CELF6: variants seen among roughly 807,000 people sequenced by gnomAD.
CELF6 encodes the protein Bruno -like 6, RNA binding protein.
In CELF6, 32 loss-of-function variants were observed where a neutral mutation model predicts 53.1. That is an observed-to-expected ratio of 0.60 (90% CI 0.46 to 0.81). CELF6 has a LOEUF of 0.81. Among genes scored for constraint, CELF6 ranks in the 30% least tolerant of loss-of-function variants. CELF6 has a pLI of 0.00. For synonymous variants in CELF6, 291 were observed against 288.8 expected (o/e 1.01, Z -0.08); for missense variants, 539 against 669.5 (o/e 0.81, Z 2.15).
At chr15:72,293,332 C>T (rs555109596) in intron 3 of CELF6, among the ~76,000 whole-genome samples, 3 of 152,110 alleles carry the variant, frequency 2.0e-5, no homozygotes, top group African/African-American at 4.8e-5. Flanking sequence ...ACAGTAGCCC[C>T]GCAAACCCAC....
intron 2 of CELF6, among the ~76,000 whole-genome samples, chr15:72,314,273 T>C: frequency 6.6e-6 from 1 of 152,302 alleles, no homozygotes; most frequent in East Asian, 1.9e-4. Flanking sequence ...AATCAGTGCC[T>C]ATTTCTTATT....
intron 1 of CELF6, 87 bp from the exon 2 acceptor site, chr15:72,316,014 G>T: frequency 7.0e-6 from 6 of 862,546 alleles, no homozygotes; most frequent in South Asian, 3.1e-5. Flanking sequence ...ACAAACTTAA[G>T]GCCACTCTCC....
At chr15:72,316,746 C>G (rs1282549538) in intron 1 of CELF6, among the ~76,000 whole-genome samples, 1 of 152,208 alleles carries the variant, frequency 6.6e-6, no homozygotes, top group East Asian at 1.9e-4. Context: ...GCACTCTCCT[C>G]CTTTCCAACA....
intron 2 of CELF6, among the ~76,000 whole-genome samples, chr15:72,314,776 G>A (rs2088341676): frequency 6.6e-6 from 1 of 151,882 alleles, no homozygotes. Flanking sequence ...TGTATTTTTA[G>A]TAGAGACAGG....
intron 3 of CELF6, 104 bp from the exon 4 acceptor site, chr15:72,290,359 A>G: frequency 7.3e-7 from 1 of 1,375,270 alleles, no homozygotes; most frequent in Non-Finnish European, 9.7e-7. Context: ...CACTCTGGGA[A>G]GCAGAGGGAG....
chr15:72,288,360 A>T lies in CELF6; in HGVS notation c.1266T>A (p.Val422=). The T allele has an allele frequency of 6.2e-7, 1 of 1,614,174 alleles. No individual in the cohort carries two copies. The highest frequency in any genetic ancestry group is 8.5e-7 in the Non-Finnish European group (1 of 1,180,030). ...LIQTFLPFGA[V]VSAKVFVDRA... is the part of the protein sequence containing the mutation. ...GATCCACAAAGACTTTAGCAGAGAC[A>T]ACGGCTCCAAAGGGCAGGAATGTCT... Residue 422 remains valine (V), a synonymous_variant, in exon 11 of 13, where the codon GTT becomes GTA. Coordinates refer to ENST00000287202, the MANE Select transcript of CELF6 (RefSeq NM_052840.5). The surrounding 1 kb of genome is among the most constrained non-coding windows in gnomAD (Gnocchi z 4.6).
At position 72,289,443 on chromosome 15, in the gene CELF6, G is replaced by T; in HGVS notation, c.812C>A (p.Ala271Glu). Residue 271 changes from alanine to glutamate, a missense_variant, in exon 7 of 13, where the codon GCA (alanine) becomes GAA (glutamate). This residue lies in a region of CELF6 where 358 missense variants were observed against 412.8 expected (regional missense o/e 0.87). Coordinates refer to ENST00000287202, the MANE Select transcript of CELF6 (RefSeq NM_052840.5). The surrounding 1 kb of genome is among the most constrained non-coding windows in gnomAD (Gnocchi z 7.6). ...AQGPGLGPVAAVAAQMQHVAA... is the reference protein window; with the variant it reads ...AQGPGLGPVAEVAAQMQHVAA... ...CACGTGTTGCATCTGGGCCGCCACT[G>T]CCGCCACCGGGCCTAGGCCTGGGCC... 6.5e-7 allele frequency: 1 copy of T among 1,543,232 alleles called. No individual in the cohort carries two copies. The highest frequency in any genetic ancestry group is 8.7e-7 in the Non-Finnish European group (1 of 1,151,446).
At chr15:72,312,620 C>T (rs1233213112) in intron 2 of CELF6, among the ~76,000 whole-genome samples, 1 of 152,162 alleles carries the variant, frequency 6.6e-6, no homozygotes, top group Non-Finnish European at 1.5e-5. Flanking sequence ...CAGAATGAGG[C>T]TGTGTCTCAA....
At position 72,289,845 on chromosome 15, in the gene CELF6, C is replaced by G. The variant is rs2087981325; in HGVS notation, c.604-75G>C. 6.7e-7 allele frequency: 1 copy of G among 1,493,614 alleles called. No homozygotes were observed. Among genetic ancestry groups the G allele is most frequent in the African/African-American group, 1.4e-5 (1 of 72,098 alleles). 92.5% of individuals were successfully genotyped at this position (1,493,614 alleles called of 1,614,324 possible). ...GCCCGGGGCCGAGCGCCTTTCCCAT[C>G]AGGTCCTTTCGCGGGGCACCGAGCA... is the stretch of plus-strand genomic sequence containing the variant. On this transcript the variant is annotated intron_variant, in intron 5 of 12. Coordinates refer to ENST00000287202, the MANE Select transcript of CELF6 (RefSeq NM_052840.5). This position sits in a 1 kb window ranked among gnomAD's most constrained non-coding sequence, Gnocchi z 7.6.
intron 2 of CELF6, among the ~76,000 whole-genome samples, chr15:72,305,036 T>A (rs1055095825): frequency 6.6e-6 from 1 of 152,198 alleles, no homozygotes; most frequent in African/African-American, 2.4e-5. Context: ...CAAGGTGGAA[T>A]GAAGCGGCTA....
chr15:72,288,596 G>A lies in CELF6; in HGVS notation c.1116C>T (p.Ala372=). ...HYAAAYPSAY[A]PVSTAFPQQP... is the part of the protein sequence containing the mutation. The stretch of plus-strand genomic sequence containing the variant: ...GCTGGGGAAAAGCTGTGCTCACTGG[G>A]GCATAGGCCGACGGATAGGCTGCTG... Residue 372 remains alanine (A), a synonymous_variant, in exon 10 of 13, where the codon GCC becomes GCT. Transcript: ENST00000287202. The surrounding 1 kb of genome is among the most constrained non-coding windows in gnomAD (Gnocchi z 4.6). The A allele has an allele frequency of 6.4e-7, 1 of 1,570,590 alleles. No individual in the cohort carries two copies. The highest frequency in any genetic ancestry group is 8.6e-7 in the Non-Finnish European group (1 of 1,158,004).
In CELF6 at chr15:72,289,813, G is replaced by A; in HGVS notation, c.604-43C>T. The stretch of plus-strand genomic sequence containing the variant: ...GGCCGTGGTGACCGGTCCTGACCCT[G>A]GCCCCGGCCCGGGGCCGAGCGCCTT... On this transcript the variant is annotated intron_variant, in intron 5 of 12. Transcript: ENST00000287202. This position sits in a 1 kb window ranked among gnomAD's most constrained non-coding sequence, Gnocchi z 7.6. 6.8e-7 allele frequency: 1 copy of A among 1,463,402 alleles called. No individual in the cohort carries two copies. The highest frequency in any genetic ancestry group is 9.0e-7 in the Non-Finnish European group (1 of 1,111,546). The allele number at this position is 1,463,402 out of a possible 1,614,324, so 90.7% of individuals were successfully genotyped here.
Position 72,289,906 on chromosome 15 carries a change from G to T in CELF6, c.603+33C>A. ...GGAGAAGCCCGTCCCCACCCCACTG[G>T]CCTCACCCTCAGCCCAGGGAACCCG... On this transcript the variant is annotated intron_variant, in intron 5 of 12. Coordinates refer to ENST00000287202, the MANE Select transcript of CELF6 (RefSeq NM_052840.5). This position sits in a 1 kb window ranked among gnomAD's most constrained non-coding sequence, Gnocchi z 7.6. The T allele has an allele frequency of 6.5e-7, 1 of 1,542,066 alleles. No individual in the cohort carries two copies. Among genetic ancestry groups the T allele is most frequent in the Non-Finnish European group, 8.7e-7 (1 of 1,146,884 alleles).
Position 72,302,890 on chromosome 15 carries a change from A to G in CELF6, c.394+1856T>C, listed in dbSNP as rs556388987. ...CCACTTTGATCTTCCAGACTGGGTT[A>G]GGTGCCCCTTGTTTGTGTCCCCACA... On this transcript the variant is annotated intron_variant, in intron 3 of 12. Coordinates refer to ENST00000287202, the MANE Select transcript of CELF6 (RefSeq NM_052840.5). 8.5e-5 allele frequency among the ~76,000 whole-genome samples: 13 copies of G among 152,328 alleles called. No homozygotes were observed. The South Asian group carries it at 2.7e-3, about 32-fold the overall frequency.
chr15:72,312,342 C>A (rs972445405), intron 2 of CELF6, among the ~76,000 whole-genome samples: 2 of 151,964 alleles, frequency 1.3e-5, no homozygotes, highest in African/African-American at 4.8e-5. Context: ...CCATGAAATT[C>A]TTGGCCAGGA....
intron 3 of CELF6, among the ~76,000 whole-genome samples, chr15:72,303,848 GTTTTGT>G (rs147535142): frequency 0.021 from 3,156 of 152,046 alleles, 60 homozygotes; most frequent in African/African-American, 0.048. Flanking sequence ...GTCCTATGTG[GTTTTGT>G]TTTTGTTTTT....
chr15:72,316,142 G>T (rs554596084), intron 1 of CELF6, among the ~76,000 whole-genome samples: 45 of 152,222 alleles, frequency 3.0e-4, no homozygotes, highest in African/African-American at 1.1e-3. Flanking sequence ...TTTGCTCCTG[G>T]CATCCTGCCC....
At chr15:72,291,213 T>C (rs931821240) in intron 3 of CELF6, among the ~76,000 whole-genome samples, 2 of 152,174 alleles carry the variant, frequency 1.3e-5, no homozygotes, top group African/African-American at 2.4e-5. Context: ...GCTGGGCCTG[T>C]GTCCCTCGAA....
chr15:72,303,997 A>G (rs1489217215), intron 3 of CELF6, among the ~76,000 whole-genome samples: 2 of 151,998 alleles, frequency 1.3e-5, no homozygotes, highest in Non-Finnish European at 2.9e-5. Flanking sequence ...TCAGCCTCCG[A>G]GTAGCTGGGA....
Sources: allele counts gnomAD v4.1 joint callset (sites outside exome capture counted in the v4.1 genomes callset), GRCh38; gene constraint gnomAD v4.1.1; regional missense constraint gnomAD v4.1.1; non-coding constraint Gnocchi (gnomAD v3.1); transcripts MANE v1.5; gene names NCBI Gene and HGNC (gene_info 2026-07-23, HGNC 2026-07-21).